The following CNTNAP4 variants were observed in gnomAD, a reference collection of about 807,000 sequenced individuals.
CNTNAP4 encodes contactin-associated protein-like 4.
In CNTNAP4, 98 loss-of-function variants were observed where a neutral mutation model predicts 148.4. The ratio of observed to expected loss-of-function variants is 0.66; its 90% CI spans 0.56 to 0.78. The LOEUF (loss-of-function observed/expected upper bound fraction) is 0.78. CNTNAP4 is among the 30% of genes least tolerant of loss of function. CNTNAP4 has a pLI of 0.00. For synonymous variants in CNTNAP4, 730 were observed against 565.1 expected (o/e 1.29, Z -4.14); for missense variants, 1,935 against 1,565.6 (o/e 1.24, Z -3.98).
chr16:76,461,970 G>A lies in CNTNAP4; in HGVS notation c.1348G>A (p.Asp450Asn). The A allele has an allele frequency of 1.2e-6, 2 of 1,613,764 alleles. No individual in the cohort carries two copies. The highest frequency in any genetic ancestry group is 1.7e-6 in the Non-Finnish European group (2 of 1,179,752). ...CATCTCCCTAGGTGTCGAATTAAATGATGGGCAGTGGCATTCTGTCTCTTT... is the reference window on the plus strand; with the variant it reads ...CATCTCCCTAGGTGTCGAATTAAATAATGGGCAGTGGCATTCTGTCTCTTT... ...SDITAGVELN[D>N]GQWHSVSLSA... Residue 450 changes from aspartate to asparagine, a missense_variant, in exon 9 of 24, where the codon GAT becomes AAT. By Grantham distance (23) the Asp-to-Asn change is conservative. Transcript: ENST00000611870.
chr16:76,460,773 A>AATAT (rs150425968), intron 8 of CNTNAP4, among the ~76,000 whole-genome samples: 8 of 57,326 alleles, frequency 1.4e-4, no homozygotes, highest in East Asian at 5.1e-4. Context: ...AAAAAAAAAA[A>AATAT]ATATATATAT....
chr16:76,490,749 T>C (rs1455760797), intron 13 of CNTNAP4, among the ~76,000 whole-genome samples: 1 of 152,186 alleles, frequency 6.6e-6, no homozygotes, highest in African/African-American at 2.4e-5. Context: ...TTCTGCTGGA[T>C]CCTGGAATTG....
At chr16:76,342,030 G>T (rs529432965) in intron 2 of CNTNAP4, among the ~76,000 whole-genome samples, 2 of 152,278 alleles carry the variant, frequency 1.3e-5, no homozygotes, top group African/African-American at 2.4e-5. Flanking sequence ...TGACGTAGAA[G>T]GATATTCTAC....
chr16:76,407,456 C>G (rs1428525810), intron 3 of CNTNAP4, among the ~76,000 whole-genome samples: 2 of 151,772 alleles, frequency 1.3e-5, no homozygotes, highest in Non-Finnish European at 2.9e-5. Context: ...ACATTTGTAA[C>G]TCATGAGAGA....
intron 3 of CNTNAP4, among the ~76,000 whole-genome samples, chr16:76,364,301 C>T (rs932347787): frequency 1.4e-5 from 2 of 138,402 alleles, no homozygotes; most frequent in African/African-American, 5.4e-5. Flanking sequence ...GCTGTAGATA[C>T]ACATAGCAAT....
At chr16:76,449,135 C>G (rs1198887494) in intron 6 of CNTNAP4, among the ~76,000 whole-genome samples, 184 bp downstream of exon 6, 1 of 152,126 alleles carries the variant, frequency 6.6e-6, no homozygotes, top group Non-Finnish European at 1.5e-5. Context: ...CTTCATCTTT[C>G]TCACAGTATG....
chr16:76,518,782 A>G (rs1444766586), intron 15 of CNTNAP4, among the ~76,000 whole-genome samples: 1 of 152,208 alleles, frequency 6.6e-6, no homozygotes, highest in African/African-American at 2.4e-5. Context: ...GCTATTGAAC[A>G]TGAAGCTTAT....
chr16:76,348,492 A>G (rs530315817), intron 2 of CNTNAP4, among the ~76,000 whole-genome samples: 99 of 152,302 alleles, frequency 6.5e-4, no homozygotes, highest in African/African-American at 2.3e-3. Flanking sequence ...GGAGAGTCTC[A>G]ACTTTAAAAG....
chr16:76,524,324 G>T (rs1053354792), intron 17 of CNTNAP4, among the ~76,000 whole-genome samples: 2 of 152,070 alleles, frequency 1.3e-5, no homozygotes, highest in Middle Eastern at 3.2e-3. Flanking sequence ...TCAGGAAATT[G>T]ACAAAGCTAT....
rs377705381 is a variant in CNTNAP4 at position 76,404,085 on chromosome 16, C to T, written c.391-23367C>T. ...AGATGGAGACGAGCAGAAAAATTAA[C>T]TATTGGGTACCAGGCGTAATACGTG... On this transcript the variant is annotated intron_variant, in intron 3 of 23. Transcript: ENST00000611870. Among the ~76,000 whole-genome samples, 13 of 152,176 alleles carry T rather than the reference C, an allele frequency of 8.5e-5. 1 individual carries two copies. The South Asian group carries it at 2.7e-3, about 32-fold the overall frequency.
chr16:76,539,789 C>T lies in CNTNAP4; in HGVS notation c.3291C>T (p.Asn1097=). 2 of 1,602,318 alleles carry T rather than the reference C, an allele frequency of 1.2e-6. No homozygotes were observed. Among genetic ancestry groups the T allele is most frequent in the African/African-American group, 1.3e-5 (1 of 74,478 alleles). The change falls in exon 20 of 24, where the codon AAC becomes AAT. Residue 1097 remains asparagine (N), a synonymous_variant. Coordinates refer to ENST00000611870, the MANE Select transcript of CNTNAP4 (RefSeq NM_033401.5). ...ATGTTGTTAACTTTGATTTTAAAAA[C>T]ATGGCTGATGGACAACTTCACCACA... is the stretch of plus-strand genomic sequence containing the variant. ...EPDVVNFDFK[N]MADGQLHHIM... is the part of the protein sequence containing the mutation.
At chr16:76,392,421 G>C (rs76856560) in intron 3 of CNTNAP4, among the ~76,000 whole-genome samples, 2,174 of 152,270 alleles carry the variant, frequency 0.014, 38 homozygotes, top group African/African-American at 0.044. Flanking sequence ...TAAGTATCTA[G>C]CATGAGTCCT....
At chr16:76,361,099 A>G (rs1326825490) in intron 3 of CNTNAP4, among the ~76,000 whole-genome samples, 1 of 152,018 alleles carries the variant, frequency 6.6e-6, no homozygotes, top group Non-Finnish European at 1.5e-5. Context: ...CTGGGATTAC[A>G]GGCATGAGGC....
At position 76,480,419 on chromosome 16, in the gene CNTNAP4, A is replaced by G. The variant is rs1271258191; in HGVS notation, c.1882+881A>G. On this transcript the variant is annotated intron_variant, in intron 12 of 23. Transcript: ENST00000611870. ...ACAAGGTTTCTACACCGATAATTAG[A>G]AAACACCCTTTCAATGAACTAATAT... Among the ~76,000 whole-genome samples the G allele has an allele frequency of 5.9e-5, 9 of 152,234 alleles. 1 individual carries two copies. The South Asian group carries it at 1.7e-3, about 28-fold the overall frequency.
rs571000371 is a variant in CNTNAP4 at position 76,494,976 on chromosome 16, C to T, written c.2147C>T (p.Ser716Leu). 2.9e-5 allele frequency: 46 copies of T among 1,613,548 alleles called. 1 individual carries two copies. The South Asian group carries it at 2.9e-4, about 10-fold the overall frequency. ...NETQTYWGGS[S>L]PDLQKCTCGL... is the part of the protein sequence containing the mutation. ...ACGCAAACCTACTGGGGAGGTTCTT[C>T]GCCTGATCTTCAAAAATGTACTTGT... Residue 716 changes from serine (S) to leucine (L), a missense_variant, in exon 14 of 24, where the codon TCG becomes TTG. Physicochemically the swap from Ser to Leu is moderately radical, Grantham distance 145. Coordinates refer to ENST00000611870, the MANE Select transcript of CNTNAP4 (RefSeq NM_033401.5).
At position 76,509,831 on chromosome 16, in the gene CNTNAP4, C is replaced by CT. The variant is rs542061871; in HGVS notation, c.2365+11146dup. On this transcript the variant is annotated intron_variant, in intron 15 of 23. Transcript: ENST00000611870. Reference sequence around the variant, plus strand: ...TTTTGTCAGTTAGTTGATATTTTACCTTTTTTTTTGTCTTTAGAAAGATTC... The same window carrying CT: ...TTTTGTCAGTTAGTTGATATTTTACCTTTTTTTTTTGTCTTTAGAAAGATTC... Among the ~76,000 whole-genome samples, 320 of 93,106 alleles carry CT rather than the reference C, an allele frequency of 3.4e-3. 42 individuals carry two copies. Among genetic ancestry groups the CT allele is most frequent in the African/African-American group, 7.4e-3 (280 of 37,762 alleles). The allele number at this position is 93,106 out of a possible 152,430, so 61.1% of individuals were successfully genotyped here. A position where few individuals can be genotyped will look rare whatever the true frequency, so the allele number is the denominator to read the frequency against.
chr16:76,355,928 G>A (rs1252528585), intron 3 of CNTNAP4, among the ~76,000 whole-genome samples: 1 of 151,424 alleles, frequency 6.6e-6, no homozygotes, highest in Non-Finnish European at 1.5e-5. Context: ...CAGGCTGGTT[G>A]CAGTGGCGCG....
chr16:76,384,119 C>G lies in CNTNAP4; in HGVS notation c.390+28608C>G, dbSNP rs1286182774. On this transcript the variant is annotated intron_variant, in intron 3 of 23. Transcript: ENST00000611870. ...AGTGCAGTGGCACTATCTTGGCTCG[C>G]TGCAACCTCCGCCTCCCAGGTTCAA... 2.0e-5 allele frequency among the ~76,000 whole-genome samples: 3 copies of G among 152,060 alleles called. No individual in the cohort carries two copies. In the East Asian group the frequency reaches 5.8e-4, roughly 29 times the overall value.
At chr16:76,501,328 C>G (rs2082633627) in intron 15 of CNTNAP4, among the ~76,000 whole-genome samples, 1 of 152,206 alleles carries the variant, frequency 6.6e-6, no homozygotes, top group African/African-American at 2.4e-5. Flanking sequence ...ACTTCTTGCT[C>G]TGATCTTAAC....
Sources: gnomAD v4.1 joint callset for allele counts (sites outside exome capture counted in the v4.1 genomes callset) on GRCh38, gnomAD v4.1.1 for gene constraint, MANE v1.5 for transcripts, NCBI Gene and HGNC (gene_info 2026-07-23, HGNC 2026-07-21) for gene names.